The following RAPGEF6 variants were observed in gnomAD, a reference collection of about 807,000 sequenced individuals.
The protein encoded by RAPGEF6 is Rap guanine nucleotide exchange factor 6.
RAPGEF6 carries 56 observed loss-of-function variants against 171.4 expected under a neutral mutation model. That is an observed-to-expected ratio of 0.33 (90% confidence interval 0.26 to 0.41). The LOEUF (loss-of-function observed/expected upper bound fraction) is 0.41, where lower values mean the gene tolerates loss of function less well. Ranked by LOEUF, RAPGEF6 falls within the 10% of genes least tolerant of loss-of-function variation. RAPGEF6 has a pLI of 1.00. For missense variants in RAPGEF6, 1,674 were observed against 1,921.4 expected (o/e 0.87, Z 2.41); for synonymous variants, 692 against 650.1 (o/e 1.06, Z -0.98).
At chr5:131,605,537 C>T (rs536870345) in intron 1 of RAPGEF6, among the ~76,000 whole-genome samples, 1 of 152,114 alleles carries the variant, frequency 6.6e-6, no homozygotes, top group Non-Finnish European at 1.5e-5. Flanking sequence ...AGCTTAAATT[C>T]GCTATAAAAA....
At chr5:131,569,601 A>G (rs1379895680) in intron 4 of RAPGEF6, among the ~76,000 whole-genome samples, 1 of 152,250 alleles carries the variant, frequency 6.6e-6, no homozygotes, top group Non-Finnish European at 1.5e-5. Context: ...ACTAAATTTT[A>G]AAACTTTTAG....
At chr5:131,481,830 C>T (rs539030318) in intron 15 of RAPGEF6, among the ~76,000 whole-genome samples, 41 of 152,336 alleles carry the variant, frequency 2.7e-4, no homozygotes, top group African/African-American at 9.4e-4. Flanking sequence ...AGCAAACACT[C>T]AGCTTATCAT....
intron 17 of RAPGEF6, 50 bp from the exon 18 acceptor site, chr5:131,464,331 T>A (rs1405300663): frequency 5.9e-6 from 9 of 1,519,030 alleles, no homozygotes; most frequent in African/African-American, 1.4e-5. Context: ...AAATCACTTT[T>A]AAACCCTTCA....
intron 25 of RAPGEF6, among the ~76,000 whole-genome samples, chr5:131,432,210 T>C (rs1302264724): frequency 1.3e-5 from 2 of 152,190 alleles, no homozygotes; most frequent in Non-Finnish European, 2.9e-5. Context: ...CGAAAATATT[T>C]ACTACCCAGC....
chr5:131,539,359 C>T (rs1759982878), intron 6 of RAPGEF6, among the ~76,000 whole-genome samples: 1 of 152,196 alleles, frequency 6.6e-6, no homozygotes, highest in South Asian at 2.1e-4. Flanking sequence ...TTCACTTAAA[C>T]AGTTCAAATT....
chr5:131,599,766 T>C (rs569622948), intron 3 of RAPGEF6, among the ~76,000 whole-genome samples: 1 of 152,354 alleles, frequency 6.6e-6, no homozygotes, highest in African/African-American at 2.4e-5. Context: ...AGCAATGCCA[T>C]TTTTGATAAA....
In RAPGEF6 at chr5:131,430,925, C is replaced by A; in HGVS notation, c.4399G>T (p.Asp1467Tyr). The change falls in exon 26 of 28, where the codon GAC (aspartate) becomes TAC (tyrosine). Residue 1467 changes from aspartate to tyrosine, a missense_variant. Asp to Tyr is a radical substitution (Grantham distance 160, BLOSUM62 -3). This residue lies in a region of RAPGEF6 where 552 missense variants were observed against 574.2 expected (regional missense o/e 0.96). Coordinates refer to ENST00000509018, the MANE Select transcript of RAPGEF6 (RefSeq NM_016340.6). ...STPAESSEGL[D>Y]PKDATDPVYK... ...ACTGGGTCAGTGGCATCCTTGGGGT[C>A]CAAGCCTTCAGATGACTCAGCTGGG... is the stretch of plus-strand genomic sequence containing the variant. 1 of 1,613,798 alleles carries A rather than the reference C, an allele frequency of 6.2e-7. No homozygotes were observed. Among genetic ancestry groups the A allele is most frequent in the Non-Finnish European group, 8.5e-7 (1 of 1,179,884 alleles).
chr5:131,516,923 A>G (rs1758124196), intron 7 of RAPGEF6, among the ~76,000 whole-genome samples: 1 of 152,234 alleles, frequency 6.6e-6, no homozygotes, highest in Admixed American at 6.5e-5. Flanking sequence ...AGACCAGAAG[A>G]CATGAAAACT....
intron 15 of RAPGEF6, among the ~76,000 whole-genome samples, chr5:131,484,616 G>A (rs1755747754): frequency 6.6e-6 from 1 of 152,096 alleles, no homozygotes; most frequent in Non-Finnish European, 1.5e-5. Context: ...TTTGAGAAAT[G>A]TATCATATAG....
intron 1 of RAPGEF6, among the ~76,000 whole-genome samples, chr5:131,626,736 G>C (rs1287686087): frequency 6.6e-6 from 1 of 151,958 alleles, no homozygotes; most frequent in African/African-American, 2.4e-5. Context: ...TAATATATCA[G>C]ATATATTATT....
intron 15 of RAPGEF6, 55 bp from the exon 16 acceptor site, chr5:131,479,808 T>C: frequency 2.6e-6 from 4 of 1,555,954 alleles, no homozygotes; most frequent in African/African-American, 1.4e-5. Flanking sequence ...AAAATTTTTA[T>C]ACCAACAACA....
In RAPGEF6 at chr5:131,495,930, T is replaced by C. The variant is rs74697036; in HGVS notation, c.1420-270A>G. On this transcript the variant is annotated intron_variant, in intron 12 of 27. Coordinates refer to ENST00000509018, the MANE Select transcript of RAPGEF6 (RefSeq NM_016340.6). The stretch of plus-strand genomic sequence containing the variant: ...TAAAAGAAGTACACAGAATGTCTAT[T>C]TCAGGTAGCACCTTAAAATGCAAAC... Among the ~76,000 whole-genome samples, 38 of 152,340 alleles carry C rather than the reference T, an allele frequency of 2.5e-4. No individual in the cohort carries two copies. In the East Asian group the frequency reaches 6.2e-3, roughly 25 times the overall value.
intron 4 of RAPGEF6, among the ~76,000 whole-genome samples, chr5:131,562,845 C>T (rs1761690848): frequency 6.6e-6 from 1 of 151,752 alleles, no homozygotes; most frequent in African/African-American, 2.4e-5. Context: ...GAAGTGCCAA[C>T]TATATATAAA....
chr5:131,429,493 C>A (rs1307031287), intron 26 of RAPGEF6, among the ~76,000 whole-genome samples: 1 of 152,034 alleles, frequency 6.6e-6, no homozygotes, highest in African/African-American at 2.4e-5. Flanking sequence ...GCAATTCAGC[C>A]CCCATATCAC....
intron 4 of RAPGEF6, among the ~76,000 whole-genome samples, chr5:131,585,607 C>T (rs558051072): frequency 1.2e-4 from 18 of 152,244 alleles, no homozygotes; most frequent in African/African-American, 4.3e-4. Flanking sequence ...GGATGGATCA[C>T]CTGAGGTCAC....
At chr5:131,447,368 C>T (rs1752786252) in intron 21 of RAPGEF6, 6 of 152,202 alleles carry the variant, frequency 3.9e-5, no homozygotes. Flanking sequence ...TATTTGGGTT[C>T]TAGAACTGAG....
chr5:131,557,853 T>C (rs1394440265), intron 5 of RAPGEF6, among the ~76,000 whole-genome samples: 1 of 152,154 alleles, frequency 6.6e-6, no homozygotes. Flanking sequence ...GGAACTAAAT[T>C]CAATGTAGTC....
At chr5:131,502,315 A>G (rs150900863) in intron 11 of RAPGEF6, among the ~76,000 whole-genome samples, 1 of 152,376 alleles carries the variant, frequency 6.6e-6, no homozygotes, top group African/African-American at 2.4e-5. Flanking sequence ...GTTTGTATTC[A>G]GTGCATACTA....
At chr5:131,442,573 T>G in intron 22 of RAPGEF6, 36 bp from the exon 23 acceptor site, 1 of 1,607,012 alleles carries the variant, frequency 6.2e-7, no homozygotes, top group Non-Finnish European at 8.5e-7. Flanking sequence ...TAACTGCACG[T>G]TTTTAGGCAA....
Sources: gnomAD v4.1 joint callset for allele counts (sites outside exome capture counted in the v4.1 genomes callset) on GRCh38, gnomAD v4.1.1 for gene constraint, gnomAD v4.1.1 regional missense constraint, MANE v1.5 for transcripts, NCBI Gene and HGNC (gene_info 2026-07-23, HGNC 2026-07-21) for gene names.